The following NPEPL1 variants were observed in gnomAD, a reference collection of about 807,000 sequenced individuals.
NPEPL1 encodes the protein probable aminopeptidase NPEPL1.
In NPEPL1, 45 loss-of-function variants were observed where a neutral mutation model predicts 52.4. The ratio of observed to expected loss-of-function variants is 0.86; its 90% CI spans 0.68 to 1.10. The LOEUF is 1.10. Among genes scored for constraint, NPEPL1 ranks in the 50% least tolerant of loss-of-function variants. The pLI is 0.00. For missense variants in NPEPL1, 696 were observed against 710.9 expected, an observed-to-expected ratio of 0.98 and a Z score of 0.24; for synonymous variants, 360 against 314.7, an observed-to-expected ratio of 1.14 and a Z score of -1.52.
At chr20:58,715,096 G>A in intron 11 of NPEPL1, 72 bp from the exon 12 acceptor site, 1 of 1,488,488 alleles carries the variant, frequency 6.7e-7, no homozygotes, top group Non-Finnish European at 8.9e-7. Context: ...CCCAGGAGGT[G>A]AGGGGTCCCC....
intron 6 of NPEPL1, among the ~76,000 whole-genome samples, chr20:58,702,996 G>A (rs1358706930): frequency 2.0e-5 from 3 of 152,198 alleles, no homozygotes; most frequent in East Asian, 1.9e-4. Flanking sequence ...GTGAAGGAAC[G>A]CAGGTTCCGC....
intron 3 of NPEPL1, among the ~76,000 whole-genome samples, chr20:58,695,240 G>T (rs2084458838): frequency 2.6e-5 from 4 of 151,936 alleles, no homozygotes; most frequent in Admixed American, 2.0e-4. Context: ...GTGTGTATGA[G>T]TGCTGGTGTG....
chr20:58,693,101 C>G lies in NPEPL1; in HGVS notation c.150+51C>G, dbSNP rs978206982. On this transcript the variant is annotated intron_variant, in intron 1 of 11. Transcript: ENST00000356091. ...GACCCGCGCCGCGGAAGCCCAGGCCCGGGCGGCCCGCGGAGGCCCCGCCTC... is the reference window on the plus strand; with the variant it reads ...GACCCGCGCCGCGGAAGCCCAGGCCGGGGCGGCCCGCGGAGGCCCCGCCTC... The G allele has an allele frequency of 2.6e-4, 259 of 986,394 alleles. No individual in the cohort carries two copies. In the African/African-American group the frequency reaches 4.1e-3, roughly 16 times the overall value. The allele number at this position is 986,394 out of a possible 1,614,324, so 61.1% of individuals were successfully genotyped here.
rs945396200 is a variant in NPEPL1, at chr20:58,693,095, C to T, written c.150+45C>T. 20 of 993,038 alleles carry T rather than the reference C, an allele frequency of 2.0e-5. No homozygotes were observed. The Admixed American group carries it at 2.5e-4, about 12-fold the overall frequency. The allele number at this position is 993,038 out of a possible 1,614,324, so 61.5% of individuals were successfully genotyped here. ...CCATGCGACCCGCGCCGCGGAAGCCCAGGCCCGGGCGGCCCGCGGAGGCCC... is the reference window on the plus strand; with the variant it reads ...CCATGCGACCCGCGCCGCGGAAGCCTAGGCCCGGGCGGCCCGCGGAGGCCC... On this transcript the variant is annotated intron_variant, in intron 1 of 11. Transcript: ENST00000356091.
At chr20:58,707,357 G>T (rs1601124094) in intron 7 of NPEPL1, among the ~76,000 whole-genome samples, 157 bp downstream of exon 7, 1 of 152,142 alleles carries the variant, frequency 6.6e-6, no homozygotes, top group Non-Finnish European at 1.5e-5. Context: ...CTCTTCTGGG[G>T]CCCCCAGAGC....
In NPEPL1 at chr20:58,693,835, G is replaced by A. The variant is rs769979427; in HGVS notation, c.249G>A (p.Val83=). The change falls in exon 2 of 12, where the codon GTG becomes GTA. Residue 83 remains valine, a synonymous_variant. Coordinates refer to ENST00000356091, the MANE Select transcript of NPEPL1 (RefSeq NM_024663.4). Reference sequence around the variant, plus strand: ...CCGTGGCTGCCCTGCCCTGCAGGGTGAGCCGGCACAACAGCCCCTCGGCCG... The same window carrying A: ...CCGTGGCTGCCCTGCCCTGCAGGGTAAGCCGGCACAACAGCCCCTCGGCCG... ...YATVAALPCR[V]SRHNSPSAAH... is the part of the protein sequence containing the mutation. 7 of 1,613,586 alleles carry A rather than the reference G, an allele frequency of 4.3e-6. No individual in the cohort carries two copies. Among genetic ancestry groups the A allele is most frequent in the East Asian group, 2.2e-5 (1 of 44,882 alleles).
Position 58,713,673 on chromosome 20 carries a change from C to A in NPEPL1, c.1125+130C>A, listed in dbSNP as rs965498985. 2.3e-6 allele frequency: 3 copies of A among 1,319,018 alleles called. No individual in the cohort carries two copies. The African/African-American group carries it at 4.4e-5, about 20-fold the overall frequency. 81.7% of individuals were successfully genotyped at this position (1,319,018 alleles called of 1,614,324 possible). A position where few individuals can be genotyped will look rare whatever the true frequency, so the allele number is the denominator to read the frequency against. ...GTTTTCATAACTGGGCACGAGGAGG[C>A]AGGAGGAGCTGCCCGTCAAGCTTGG... On this transcript the variant is annotated intron_variant, in intron 9 of 11. Coordinates refer to ENST00000356091, the MANE Select transcript of NPEPL1 (RefSeq NM_024663.4). The surrounding 1 kb of genome is among the most constrained non-coding windows in gnomAD (Gnocchi z 4.6).
intron 4 of NPEPL1, among the ~76,000 whole-genome samples, 180 bp from the exon 5 acceptor site, chr20:58,699,017 A>G (rs10451715): frequency 2.4e-3 from 373 of 152,320 alleles, no homozygotes; most frequent in African/African-American, 8.4e-3. Context: ...ACAGGAAATG[A>G]GAGTGTGTGG....
At chr20:58,700,614 C>T (rs563364235) in intron 5 of NPEPL1, among the ~76,000 whole-genome samples, 2 of 152,282 alleles carry the variant, frequency 1.3e-5, no homozygotes, top group African/African-American at 2.4e-5. Context: ...ACTGTGGGAG[C>T]GAGTGTGAAA....
Position 58,713,741 on chromosome 20 carries a change from C to T in NPEPL1, c.1126-176C>T. The T allele has an allele frequency of 9.5e-7, 1 of 1,053,670 alleles. No homozygotes were observed. Among genetic ancestry groups the T allele is most frequent in the East Asian group, 2.8e-5 (1 of 35,972 alleles). 65.3% of individuals were successfully genotyped at this position (1,053,670 alleles called of 1,614,324 possible). On this transcript the variant is annotated intron_variant, in intron 9 of 11. Coordinates refer to ENST00000356091, the MANE Select transcript of NPEPL1 (RefSeq NM_024663.4). This position sits in a 1 kb window ranked among gnomAD's most constrained non-coding sequence, Gnocchi z 4.6. ...CCCAGGCTGGATGCAGAGCCGGGAA[C>T]CGCCTCCTGTGTGCTTCATGGCCAT...
chr20:58,691,693 CTTTTTTTT>C (rs11471424), upstream of NPEPL1: 300 of 563,304 alleles, frequency 5.3e-4, no homozygotes, highest in Non-Finnish European at 5.7e-4. Flanking sequence ...TTTTTCTTTT[CTTTTTTTT>C]TTTTTTTTTT....
At chr20:58,708,778 A>T (rs2084782805) in intron 7 of NPEPL1, among the ~76,000 whole-genome samples, 1 of 152,036 alleles carries the variant, frequency 6.6e-6, no homozygotes, top group Admixed American at 6.5e-5. Flanking sequence ...CACCAGAAGA[A>T]TGCTGAGGCG....
At chr20:58,709,600 G>A (rs1301381371) in intron 7 of NPEPL1, among the ~76,000 whole-genome samples, 1 of 152,162 alleles carries the variant, frequency 6.6e-6, no homozygotes, top group East Asian at 1.9e-4. Context: ...CTTTATAGTG[G>A]TGACACTCAC....
At chr20:58,692,509 G>C (rs2084368832), upstream of NPEPL1, 1 of 152,024 alleles carries the variant, frequency 6.6e-6, no homozygotes, top group Non-Finnish European at 1.5e-5. The surrounding 1 kb of genome is among the most constrained non-coding windows in gnomAD (Gnocchi z 5.7). Flanking sequence ...GGCCTACGTC[G>C]GCCCAGGCCC....
intron 3 of NPEPL1, among the ~76,000 whole-genome samples, chr20:58,698,477 G>T (rs899801215): frequency 2.0e-5 from 3 of 152,142 alleles, no homozygotes; most frequent in African/African-American, 7.2e-5. Context: ...TGTGCTGAAG[G>T]TTCTTTCTAC....
intron 6 of NPEPL1, 100 bp from the exon 7 acceptor site, chr20:58,707,023 G>A (rs2084747572): frequency 8.2e-7 from 1 of 1,226,638 alleles, no homozygotes; most frequent in Non-Finnish European, 1.2e-6. Context: ...AGCTGGGGAA[G>A]GTGGGGCTAG....
At position 58,714,564 on chromosome 20, in the gene NPEPL1, G is replaced by T. The variant is rs780074914; in HGVS notation, c.1307G>T (p.Arg436Leu). The T allele has an allele frequency of 3.2e-6, 5 of 1,580,532 alleles. No homozygotes were observed. The East Asian group carries it at 6.9e-5, about 22-fold the overall frequency. Residue 436 changes from arginine to leucine, a missense_variant, in exon 11 of 12, where the codon CGA (arginine) becomes CTA (leucine). By Grantham distance (102) the Arg-to-Leu change is moderately radical. Transcript: ENST00000356091. ...VADMKNSVAD[R>L]DNSPSSCAGL... ...GTGTCCTCCTGGCCTCCCTAGGACC[G>T]AGACAACAGCCCCAGCTCCTGTGCT...
At chr20:58,705,580 G>C (rs1601120064) in intron 6 of NPEPL1, 1 of 455,568 alleles carries the variant, frequency 2.2e-6, no homozygotes, top group Non-Finnish European at 4.4e-6. Context: ...GTAAGTGTCA[G>C]CCCCGTGAAA....
intron 3 of NPEPL1, among the ~76,000 whole-genome samples, chr20:58,697,975 C>T (rs2084526201): frequency 6.6e-6 from 1 of 152,260 alleles, no homozygotes; most frequent in Admixed American, 6.5e-5. Flanking sequence ...ACGTCAGTTC[C>T]ATGAGGCGAG....
Sources: allele counts gnomAD v4.1 joint callset (sites outside exome capture counted in the v4.1 genomes callset), GRCh38; gene constraint gnomAD v4.1.1; non-coding constraint Gnocchi (gnomAD v3.1); transcripts MANE v1.5; gene names NCBI Gene and HGNC (gene_info 2026-07-23, HGNC 2026-07-21).